Variants in MTTP observed in about 807,000 individuals in gnomAD.
The protein encoded by MTTP is microsomal triglyceride transfer protein large subunit.
A neutral mutation model predicts 90.6 loss-of-function variants in MTTP; 49 were observed. The observed-to-expected ratio is 0.54, with a 90% CI of 0.43 to 0.69. The LOEUF is 0.69. Ranked by LOEUF, MTTP falls within the 30% of genes least tolerant of loss-of-function variation. MTTP has a pLI of 0.00. For synonymous variants in MTTP, 347 were observed against 384.2 expected, an observed-to-expected ratio of 0.90 and a Z score of 1.13; for missense variants, 945 against 1,067.5, an observed-to-expected ratio of 0.89 and a Z score of 1.60.
intron 10 of MTTP, among the ~76,000 whole-genome samples, chr4:99,606,333 A>C (rs1725816033): frequency 6.6e-6 from 1 of 152,106 alleles, no homozygotes; most frequent in Admixed American, 6.6e-5. Context: ...TTATGGTTGA[A>C]CTCTAAGAGG....
chr4:99,589,666 A>G lies in MTTP; in HGVS notation c.417A>G (p.Gln139=). Reference sequence around the variant, plus strand: ...AGGTCAAAGAGTTCTACTCATATCAAAATGAGGCAGTGGCCATAGAAAATA... The same window carrying G: ...AGGTCAAAGAGTTCTACTCATATCAGAATGAGGCAGTGGCCATAGAAAATA... ...HGKVKEFYSY[Q]NEAVAIENIK... The change falls in exon 4 of 18, where the codon CAA becomes CAG. Residue 139 remains glutamine (Q), a synonymous_variant. Transcript: ENST00000265517. 2 of 1,607,548 alleles carry G rather than the reference A, an allele frequency of 1.2e-6. No individual in the cohort carries two copies. Among genetic ancestry groups the G allele is most frequent in the Non-Finnish European group, 1.7e-6 (2 of 1,174,480 alleles).
chr4:99,622,670 T>C lies in MTTP; in HGVS notation c.2514-7T>C, dbSNP rs754499354. On this transcript the variant is annotated splice_region_variant and splice_polypyrimidine_tract_variant and intron_variant, in intron 17 of 17. Transcript: ENST00000265517. ...GTAATTCTGTTATTGTTGCTGTTGT[T>C]GTACAGGCAATTTGAGAAAAAGTAC... 4 of 1,613,796 alleles carry C rather than the reference T, an allele frequency of 2.5e-6. No individual in the cohort carries two copies. Among genetic ancestry groups the C allele is most frequent in the Non-Finnish European group, 3.4e-6 (4 of 1,179,736 alleles).
intron 8 of MTTP, 88 bp from the exon 9 acceptor site, chr4:99,600,477 A>T: frequency 7.3e-7 from 1 of 1,363,392 alleles, no homozygotes; most frequent in Non-Finnish European, 1.0e-6. Flanking sequence ...GAGAAAACTC[A>T]AACCAATAGA....
chr4:99,615,270 C>T (rs1224337749), intron 15 of MTTP, among the ~76,000 whole-genome samples: 1 of 152,186 alleles, frequency 6.6e-6, no homozygotes, highest in Non-Finnish European at 1.5e-5. Flanking sequence ...GTGAAGACAG[C>T]CATCAGCAAT....
intron 7 of MTTP, among the ~76,000 whole-genome samples, chr4:99,595,987 T>A (rs79606973): frequency 0.1 from 15,854 of 152,006 alleles, 999 homozygotes; most frequent in Middle Eastern, 0.2. Flanking sequence ...CTTTTCCAAA[T>A]TTGGAATTCC....
At chr4:99,567,718 A>G (rs540028335) in intron 1 of MTTP, among the ~76,000 whole-genome samples, 1 of 152,330 alleles carries the variant, frequency 6.6e-6, no homozygotes. Context: ...CAGAGACAAT[A>G]GGGGCCAACA....
At position 99,606,810 on chromosome 4, in the gene MTTP, C is replaced by T. The variant is rs749203075; in HGVS notation, c.1407C>T (p.Asp469=). The change falls in exon 11 of 18, where the codon GAC becomes GAT. Residue 469 remains aspartate (D), a synonymous_variant. Transcript: ENST00000265517. ...GGLEKAEKKE[D]TRMYLLALKN... ...TTGAAAAAGCAGAGAAAAAAGAGGA[C>T]ACCAGGATGTATCTGCTGGCTTTGA... is the stretch of plus-strand genomic sequence containing the variant. 23 of 1,613,922 alleles carry T rather than the reference C, an allele frequency of 1.4e-5. 1 individual carries two copies. In the South Asian group the frequency reaches 2.1e-4, roughly 15 times the overall value.
chr4:99,603,079 G>A (rs750342349), intron 10 of MTTP, among the ~76,000 whole-genome samples: 1 of 152,046 alleles, frequency 6.6e-6, no homozygotes, highest in Non-Finnish European at 1.5e-5. Flanking sequence ...TAAGTGAAGA[G>A]GTCAAAGTAT....
At chr4:99,580,586 A>AAAAAAAAAAAAAAAAAAAAAAAAC (rs1725081508) in intron 1 of MTTP, among the ~76,000 whole-genome samples, 1 of 149,524 alleles carries the variant, frequency 6.7e-6, no homozygotes, top group Non-Finnish European at 1.5e-5. Flanking sequence ...AAAAAAAAAA[A>AAAAAAAAAAAAAAAAAAAAAAAAC]AAAAAAAAAA....
At chr4:99,581,133 T>A (rs530020086) in intron 1 of MTTP, among the ~76,000 whole-genome samples, 116 of 152,310 alleles carry the variant, frequency 7.6e-4, no homozygotes, top group Non-Finnish European at 1.5e-3. Context: ...TTTTAAGTCA[T>A]CTCTGGGAAA....
At position 99,597,191 on chromosome 4, in the gene MTTP, T is replaced by A. The variant is rs1249469551; in HGVS notation, c.1034T>A (p.Leu345His). 1 of 1,613,788 alleles carries A rather than the reference T, an allele frequency of 6.2e-7. No individual in the cohort carries two copies. Among genetic ancestry groups the A allele is most frequent in the Non-Finnish European group, 8.5e-7 (1 of 1,179,888 alleles). Residue 345 changes from leucine (L) to histidine (H), a missense_variant, in exon 8 of 18, where the codon CTT (leucine) becomes CAT (histidine). By Grantham distance (99) the Leu-to-His change is moderately conservative. Coordinates refer to ENST00000265517, the MANE Select transcript of MTTP (RefSeq NM_001386140.1). ...AGGACTGCGAAGAAAGAAGAGATCC[T>A]TCAAATACTAAAGATGGAAAATAAG... ...HLRTAKKEEI[L>H]QILKMENKEV...
intron 16 of MTTP, 156 bp from the exon 17 acceptor site, chr4:99,620,905 A>G (rs374582210): frequency 7.2e-6 from 5 of 697,946 alleles, no homozygotes; most frequent in African/African-American, 3.6e-5. Context: ...GGTTACCAGC[A>G]GAACTCTAAG....
intron 7 of MTTP, among the ~76,000 whole-genome samples, chr4:99,596,478 A>T (rs1381545122): frequency 6.6e-6 from 1 of 152,194 alleles, no homozygotes; most frequent in African/African-American, 2.4e-5. Context: ...AGTGTGTGTG[A>T]GAATTACCTT....
At chr4:99,614,580 TA>T (rs1195573820) in intron 15 of MTTP, among the ~76,000 whole-genome samples, 1 of 152,198 alleles carries the variant, frequency 6.6e-6, no homozygotes, top group African/African-American at 2.4e-5. Flanking sequence ...ATGGAAATCT[TA>T]AGATATCATC....
intron 17 of MTTP, 38 bp from the exon 18 acceptor site, chr4:99,622,638 TG>T (rs1341397335): frequency 1.9e-5 from 30 of 1,607,746 alleles, no homozygotes; most frequent in Non-Finnish European, 2.4e-5. Flanking sequence ...GTGACTTAAC[TG>T]TGTGTGTAAT....
intron 3 of MTTP, among the ~76,000 whole-genome samples, chr4:99,586,638 G>T (rs1190000166): frequency 6.6e-6 from 1 of 152,038 alleles, no homozygotes; most frequent in African/African-American, 2.4e-5. Flanking sequence ...GTCTTAGATA[G>T]ATATCAAAGA....
Position 99,564,625 on chromosome 4 carries a change from T to A in MTTP, c.-102+388T>A, listed in dbSNP as rs571561353. 7.2e-5 allele frequency among the ~76,000 whole-genome samples: 11 copies of A among 152,334 alleles called. 2 individuals are homozygous for A. The South Asian group carries it at 2.1e-3, about 29-fold the overall frequency. On this transcript the variant is annotated intron_variant, in intron 1 of 18. Transcript: ENST00000457717. The stretch of plus-strand genomic sequence containing the variant: ...AATCTTTTGCTATATATAGATCATG[T>A]CAACTGAGAGAGAAATGAAATACAA...
intron 17 of MTTP, 142 bp from the exon 18 acceptor site, chr4:99,622,535 C>T: frequency 1.2e-6 from 1 of 820,702 alleles, no homozygotes. Flanking sequence ...ATCACCCATT[C>T]ATGGAGTAGC....
At chr4:99,579,917 G>A (rs1262141704) in intron 1 of MTTP, among the ~76,000 whole-genome samples, 22 of 150,948 alleles carry the variant, frequency 1.5e-4, no homozygotes, top group Admixed American at 1.5e-3. Context: ...TGAGTGTGTG[G>A]TCCCAACTAC....
Sources: allele counts gnomAD v4.1 joint callset (sites outside exome capture counted in the v4.1 genomes callset), GRCh38; gene constraint gnomAD v4.1.1; transcripts MANE v1.5; gene names NCBI Gene and HGNC (gene_info 2026-07-23, HGNC 2026-07-21).